The following DNAH14 variants were observed in gnomAD, a reference collection of about 807,000 sequenced individuals.
The protein encoded by DNAH14 is dynein axonemal heavy chain 14.
A neutral mutation model predicts 520.9 loss-of-function variants in DNAH14; 478 were observed. The ratio of observed to expected loss-of-function variants is 0.92; its 90% CI spans 0.85 to 0.99. The LOEUF (loss-of-function observed/expected upper bound fraction) is 0.99, where lower values mean the gene tolerates loss of function less well. Ranked by LOEUF, DNAH14 falls within the 50% of genes least tolerant of loss-of-function variation. The pLI is 0.00. For missense variants in DNAH14, 4,831 were observed against 5,234.5 expected (o/e 0.92, Z 2.38); for synonymous variants, 1,581 against 1,757.2 (o/e 0.90, Z 2.51).
At chr1:224,952,834 G>A (rs2060263361) in intron 2 of DNAH14, 55 bp downstream of exon 2, 3 of 1,314,970 alleles carry the variant, frequency 2.3e-6, no homozygotes, top group Middle Eastern at 1.9e-4. Context: ...TTTCAGCAGT[G>A]TATGGCTGGT....
chr1:225,143,016 C>G (rs1000817038), intron 28 of DNAH14, among the ~76,000 whole-genome samples: 7 of 151,786 alleles, frequency 4.6e-5, no homozygotes, highest in Non-Finnish European at 1.0e-4. Context: ...TTCAAGCAAC[C>G]TACTAAATCA....
intron 35 of DNAH14, among the ~76,000 whole-genome samples, chr1:225,163,925 C>A (rs911451736): frequency 1.3e-5 from 2 of 151,928 alleles, no homozygotes; most frequent in Non-Finnish European, 2.9e-5. Flanking sequence ...ATATATTTAG[C>A]CTTTTGCATG....
At chr1:225,025,061 G>A (rs543189566) in intron 11 of DNAH14, among the ~76,000 whole-genome samples, 1 of 152,178 alleles carries the variant, frequency 6.6e-6, no homozygotes, top group Non-Finnish European at 1.5e-5. Context: ...ATATAGGTCA[G>A]GCACAGTGGC....
intron 55 of DNAH14, among the ~76,000 whole-genome samples, chr1:225,292,821 T>C (rs1268111966): frequency 6.6e-6 from 1 of 152,172 alleles, no homozygotes; most frequent in East Asian, 1.9e-4. Context: ...ATCTTCTTTG[T>C]TCAAATTTAT....
intron 33 of DNAH14, 78 bp downstream of exon 33, chr1:225,152,961 C>T (rs1251608998): frequency 1.1e-5 from 16 of 1,395,310 alleles, no homozygotes; most frequent in Non-Finnish European, 1.9e-6. Flanking sequence ...CTGGATTGGT[C>T]CAGGGATGAC....
At position 225,368,076 on chromosome 1, in the gene DNAH14, A is replaced by C. The variant is rs758358671; in HGVS notation, c.12318+44A>C. The C allele has an allele frequency of 3.4e-6, 5 of 1,459,332 alleles. No homozygotes were observed. In the South Asian group the frequency reaches 6.5e-5, roughly 19 times the overall value. The allele number at this position is 1,459,332 out of a possible 1,614,324, so 90.4% of individuals were successfully genotyped here. A position where few individuals can be genotyped will look rare whatever the true frequency, so the allele number is the denominator to read the frequency against. Reference sequence around the variant, plus strand: ...AACAAACAACAAATAAGTAACAATAAGATACAAATTGAGAGCCTACTATGT... The same window carrying C: ...AACAAACAACAAATAAGTAACAATACGATACAAATTGAGAGCCTACTATGT... On this transcript the variant is annotated intron_variant, in intron 77 of 85. Coordinates refer to ENST00000682510, the MANE Select transcript of DNAH14 (RefSeq NM_001367479.1).
intron 8 of DNAH14, among the ~76,000 whole-genome samples, chr1:224,998,597 T>C (rs2063547012): frequency 6.6e-6 from 1 of 152,216 alleles, no homozygotes; most frequent in Admixed American, 6.5e-5. Flanking sequence ...TCTAGTTTGA[T>C]TTCATTGTGG....
At position 225,364,848 on chromosome 1, in the gene DNAH14, A is replaced by G. The variant is rs1026836774; in HGVS notation, c.12044A>G (p.Lys4015Arg). The G allele has an allele frequency of 1.5e-5, 24 of 1,549,024 alleles. No individual in the cohort carries two copies. The highest frequency in any genetic ancestry group is 1.9e-5 in the Non-Finnish European group (22 of 1,146,126). ...DPEFRLWLSS[K>R]SYSSFPIPVL... ...GAGTTTCGGCTATGGTTAAGCTCAA[A>G]ATCATACAGTTCTTTTCCAATTCCT... Residue 4015 changes from lysine to arginine, a missense_variant, in exon 76 of 86, where the codon AAA becomes AGA. By Grantham distance (26) the Lys-to-Arg change is conservative (BLOSUM62 2). Coordinates refer to ENST00000682510, the MANE Select transcript of DNAH14 (RefSeq NM_001367479.1).
chr1:225,182,818 T>A (rs2149301159), intron 36 of DNAH14, among the ~76,000 whole-genome samples: 1 of 152,252 alleles, frequency 6.6e-6, no homozygotes, highest in Middle Eastern at 3.4e-3. Context: ...GAATCTGTCA[T>A]CCCAGTAGGA....
intron 41 of DNAH14, among the ~76,000 whole-genome samples, chr1:225,209,020 A>C (rs960666207): frequency 6.6e-6 from 1 of 152,114 alleles, no homozygotes; most frequent in Admixed American, 6.5e-5. Flanking sequence ...TAGATCTTTT[A>C]CATTTTAATC....
At chr1:225,197,207 T>C (rs2086257328) in intron 38 of DNAH14, among the ~76,000 whole-genome samples, 1 of 152,196 alleles carries the variant, frequency 6.6e-6, no homozygotes, top group South Asian at 2.1e-4. Context: ...CATCTTGAGT[T>C]GATTTTTATA....
At chr1:225,333,626 T>G (rs1230998610) in intron 66 of DNAH14, 120 bp downstream of exon 66, 11 of 933,718 alleles carry the variant, frequency 1.2e-5, no homozygotes, top group Non-Finnish European at 1.7e-5. Flanking sequence ...TGAAAATATT[T>G]TGTTAATAGT....
At chr1:225,263,738 G>GA (rs1574379728) in intron 46 of DNAH14, among the ~76,000 whole-genome samples, 1 of 152,014 alleles carries the variant, frequency 6.6e-6, no homozygotes, top group African/African-American at 2.4e-5. Flanking sequence ...ATGGAGACTG[G>GA]AAAAAAGTAA....
intron 23 of DNAH14, among the ~76,000 whole-genome samples, chr1:225,107,598 C>T (rs1208173684): frequency 1.3e-5 from 2 of 152,170 alleles, no homozygotes; most frequent in African/African-American, 4.8e-5. Context: ...AGAAGCTCCC[C>T]TGTACGGAGA....
chr1:224,937,525 TATGAAAATTTG>T (rs945642347), intron 1 of DNAH14, among the ~76,000 whole-genome samples: 1 of 151,888 alleles, frequency 6.6e-6, no homozygotes, highest in African/African-American at 2.4e-5. Flanking sequence ...ACAAGAAAAC[TATGAAAATTTG>T]ATGAAAGTAA....
In DNAH14 at chr1:225,153,740, T is replaced by A; in HGVS notation, c.5197-10T>A. The stretch of plus-strand genomic sequence containing the variant: ...AACTTTAATAATTCAAATATTTTAA[T>A]GTTTGATAGGATCATTATAATTTTG... On this transcript the variant is annotated splice_polypyrimidine_tract_variant and intron_variant, in intron 33 of 85. Coordinates refer to ENST00000682510, the MANE Select transcript of DNAH14 (RefSeq NM_001367479.1). 6.6e-7 allele frequency: 1 copy of A among 1,521,152 alleles called. No individual in the cohort carries two copies. The highest frequency in any genetic ancestry group is 8.9e-7 in the Non-Finnish European group (1 of 1,122,574). The allele number at this position is 1,521,152 out of a possible 1,614,324, so 94.2% of individuals were successfully genotyped here.
At position 225,085,882 on chromosome 1, in the gene DNAH14, T is replaced by C. The variant is rs1392021628; in HGVS notation, c.3573+93T>C. 2.8e-5 allele frequency: 35 copies of C among 1,262,520 alleles called. No homozygotes were observed. In the East Asian group the frequency reaches 8.7e-4, roughly 31 times the overall value. 78.2% of individuals were successfully genotyped at this position (1,262,520 alleles called of 1,614,324 possible). On this transcript the variant is annotated intron_variant, in intron 21 of 85. Transcript: ENST00000682510. Reference sequence around the variant, plus strand: ...CGGTCTACAGTTTGCCTTTGAATTGTATAAATCATTCATATACTTATATAA... The same window carrying C: ...CGGTCTACAGTTTGCCTTTGAATTGCATAAATCATTCATATACTTATATAA...
chr1:225,184,844 G>A (rs2084489090), intron 36 of DNAH14, among the ~76,000 whole-genome samples: 1 of 151,870 alleles, frequency 6.6e-6, no homozygotes, highest in South Asian at 2.1e-4. Flanking sequence ...TTCCCCTTAA[G>A]AATTGGAATA....
At chr1:225,320,081 A>G (rs1019806768) in intron 61 of DNAH14, among the ~76,000 whole-genome samples, 1 of 152,110 alleles carries the variant, frequency 6.6e-6, no homozygotes, top group Non-Finnish European at 1.5e-5. Context: ...GATATTCCCT[A>G]GAGAGTGATC....
Sources: allele counts gnomAD v4.1 joint callset (sites outside exome capture counted in the v4.1 genomes callset), GRCh38; gene constraint gnomAD v4.1.1; transcripts MANE v1.5; gene names NCBI Gene and HGNC (gene_info 2026-07-23, HGNC 2026-07-21).